Variants in LHFPL3 observed in about 807,000 individuals in gnomAD.
LHFPL3 encodes LHFPL tetraspan subfamily member 3.
In LHFPL3, 5 loss-of-function variants were observed where a neutral mutation model predicts 19.3. That is an observed-to-expected ratio of 0.26 (90% CI 0.14 to 0.54). The LOEUF is 0.54. Among genes scored for constraint, LHFPL3 ranks in the 20% least tolerant of loss-of-function variants. The probability of loss-of-function intolerance (pLI) is 0.94; values close to 1 mark genes in which losing one functional copy is unlikely to be tolerated. For missense variants in LHFPL3, 249 were observed against 307.4 expected, an observed-to-expected ratio of 0.81 and a Z score of 1.42; for synonymous variants, 133 against 126.2, an observed-to-expected ratio of 1.05 and a Z score of -0.36.
At chr7:104,705,565 T>C (rs1203341507) in intron 1 of LHFPL3, among the ~76,000 whole-genome samples, 3 of 152,222 alleles carry the variant, frequency 2.0e-5, no homozygotes, top group African/African-American at 7.2e-5. Flanking sequence ...AGTTCAGCTG[T>C]TCAGCGTTAC....
chr7:104,532,600 T>A (rs994294583), intron 1 of LHFPL3, among the ~76,000 whole-genome samples: 19 of 152,132 alleles, frequency 1.2e-4, no homozygotes, highest in Middle Eastern at 3.2e-3. Context: ...TCTCTCCATG[T>A]TTTCCTCACA....
At chr7:104,750,119 T>C (rs1794134271) in intron 2 of LHFPL3, among the ~76,000 whole-genome samples, 1 of 152,246 alleles carries the variant, frequency 6.6e-6, no homozygotes, top group African/African-American at 2.4e-5. Flanking sequence ...CTTTCTTGAT[T>C]ATCTGGCCCT....
intron 2 of LHFPL3, among the ~76,000 whole-genome samples, chr7:104,864,237 A>C (rs1791672641): frequency 6.6e-6 from 1 of 152,220 alleles, no homozygotes; most frequent in South Asian, 2.1e-4. Flanking sequence ...TACTGGGTTC[A>C]TCTCACTGGG....
chr7:104,610,141 A>G (rs1791185084), intron 1 of LHFPL3, among the ~76,000 whole-genome samples: 1 of 152,334 alleles, frequency 6.6e-6, no homozygotes, highest in African/African-American at 2.4e-5. Context: ...ATCCAATACA[A>G]TAAGTCAAAA....
At chr7:104,829,791 A>G (rs1442664960) in intron 2 of LHFPL3, among the ~76,000 whole-genome samples, 1 of 151,960 alleles carries the variant, frequency 6.6e-6, no homozygotes, top group East Asian at 1.9e-4. Context: ...CGATAAACAT[A>G]CGTGTGCGTG....
intron 1 of LHFPL3, among the ~76,000 whole-genome samples, chr7:104,370,755 G>T (rs376348308): frequency 6.6e-6 from 1 of 152,198 alleles, no homozygotes; most frequent in African/African-American, 2.4e-5. Flanking sequence ...GGTGGCGGGC[G>T]CCTGTAATCC....
At chr7:104,430,596 G>A (rs959364311) in intron 1 of LHFPL3, among the ~76,000 whole-genome samples, 25 of 144,812 alleles carry the variant, frequency 1.7e-4, no homozygotes, top group Non-Finnish European at 3.3e-4. Flanking sequence ...AGCCTCCTAA[G>A]TAGCTGGGAC....
intron 1 of LHFPL3, among the ~76,000 whole-genome samples, chr7:104,608,841 C>A (rs1791157553): frequency 6.6e-6 from 1 of 152,090 alleles, no homozygotes; most frequent in South Asian, 2.1e-4. Context: ...ATTACAGAAC[C>A]CCTCTGTGCC....
At chr7:104,549,117 C>T (rs1053261635) in intron 1 of LHFPL3, among the ~76,000 whole-genome samples, 3 of 151,976 alleles carry the variant, frequency 2.0e-5, no homozygotes, top group Admixed American at 6.6e-5. Flanking sequence ...GAACCTGGTA[C>T]GCTGGTGGAG....
chr7:104,871,215 C>T (rs529111751), intron 2 of LHFPL3, among the ~76,000 whole-genome samples: 2 of 152,318 alleles, frequency 1.3e-5, no homozygotes, highest in African/African-American at 4.8e-5. Flanking sequence ...TAGCCTATTG[C>T]TCCTAGGCTG....
chr7:104,403,092 C>A (rs1791347094), intron 1 of LHFPL3, among the ~76,000 whole-genome samples: 1 of 152,106 alleles, frequency 6.6e-6, no homozygotes, highest in African/African-American at 2.4e-5. Context: ...GGCTTAAAAC[C>A]TAGGTGACAG....
At chr7:104,489,009 C>T (rs1793289125) in intron 1 of LHFPL3, among the ~76,000 whole-genome samples, 1 of 152,144 alleles carries the variant, frequency 6.6e-6, no homozygotes, top group Non-Finnish European at 1.5e-5. Context: ...AGAAGGGACC[C>T]CCACTTGGTT....
intron 1 of LHFPL3, among the ~76,000 whole-genome samples, chr7:104,723,722 CAAAAAAAAAAAAAA>C (rs1167618176): frequency 4.3e-5 from 2 of 46,946 alleles, no homozygotes; most frequent in South Asian, 1.4e-3. Context: ...ACTATGTCTC[CAAAAAAAAAAAAAA>C]AAAAAAAAAA....
intron 1 of LHFPL3, among the ~76,000 whole-genome samples, chr7:104,520,753 C>A (rs1464858654): frequency 7.4e-6 from 1 of 134,322 alleles, no homozygotes; most frequent in Admixed American, 7.8e-5. Flanking sequence ...TTGTAGTATT[C>A]TCTGATGGTA....
At chr7:104,349,585 A>G (rs952235944) in intron 1 of LHFPL3, among the ~76,000 whole-genome samples, 1 of 152,226 alleles carries the variant, frequency 6.6e-6, no homozygotes, top group Non-Finnish European at 1.5e-5. Flanking sequence ...TTTATTAAAA[A>G]GTAGCATTTA....
intron 1 of LHFPL3, among the ~76,000 whole-genome samples, chr7:104,449,060 A>G (rs34649499): frequency 3.9e-5 from 6 of 152,338 alleles, no homozygotes; most frequent in African/African-American, 1.4e-4. Flanking sequence ...CTTCAGGATA[A>G]AATTATAACA....
At chr7:104,750,530 T>C (rs1405426422) in intron 2 of LHFPL3, among the ~76,000 whole-genome samples, 7 of 152,236 alleles carry the variant, frequency 4.6e-5, no homozygotes, top group African/African-American at 1.4e-4. Flanking sequence ...ACCACACCAA[T>C]ATGAATTTGA....
intron 2 of LHFPL3, among the ~76,000 whole-genome samples, chr7:104,755,819 C>T (rs1277958588): frequency 6.6e-6 from 1 of 152,212 alleles, no homozygotes; most frequent in African/African-American, 2.4e-5. Flanking sequence ...CCTCAACCTC[C>T]TGAGTAGCTG....
intron 2 of LHFPL3, among the ~76,000 whole-genome samples, chr7:104,793,263 T>C (rs1790057869): frequency 6.6e-6 from 1 of 151,524 alleles, no homozygotes; most frequent in Non-Finnish European, 1.5e-5. Context: ...AGCATGTACA[T>C]TTACATCACC....
Sources: gnomAD v4.1 joint callset for allele counts (sites outside exome capture counted in the v4.1 genomes callset) on GRCh38, gnomAD v4.1.1 for gene constraint, MANE v1.5 for transcripts, NCBI Gene and HGNC (gene_info 2026-07-23, HGNC 2026-07-21) for gene names.